Variants in SLC9A9 observed in about 807,000 individuals in gnomAD.
SLC9A9 encodes the protein sodium/hydrogen exchanger 9.
In SLC9A9, 62 loss-of-function variants were observed where a neutral mutation model predicts 77.8. The ratio of observed to expected loss-of-function variants is 0.80; its 90% confidence interval spans 0.65 to 0.98. The LOEUF (loss-of-function observed/expected upper bound fraction) is 0.98. SLC9A9 is among the 50% of genes least tolerant of loss of function. The pLI, the probability that SLC9A9 is intolerant of heterozygous loss-of-function variation, is 0.00. For missense variants in SLC9A9, 775 were observed against 774.9 expected, an observed-to-expected ratio of 1.00 and a Z score of 0.00; for synonymous variants, 320 against 283.5, an observed-to-expected ratio of 1.13 and a Z score of -1.29.
intron 4 of SLC9A9, among the ~76,000 whole-genome samples, chr3:143,768,981 G>A (rs1363226094): frequency 6.6e-6 from 1 of 152,094 alleles, no homozygotes; most frequent in African/African-American, 2.4e-5. Context: ...TTCTACTCAG[G>A]TTGCCCCATT....
intron 4 of SLC9A9, among the ~76,000 whole-genome samples, chr3:143,734,571 TA>T (rs1281923629): frequency 6.6e-6 from 1 of 151,214 alleles, no homozygotes; most frequent in African/African-American, 2.4e-5. Flanking sequence ...CTGTCTCTAC[TA>T]AAATACAAAA....
chr3:143,758,989 C>G (rs1404947414), intron 4 of SLC9A9, among the ~76,000 whole-genome samples: 1 of 152,074 alleles, frequency 6.6e-6, no homozygotes, highest in East Asian at 1.9e-4. Context: ...ATGTTCTTGG[C>G]ACTGTGCTGT....
chr3:143,655,628 T>C, intron 5 of SLC9A9: 2 of 984,156 alleles, frequency 2.0e-6, no homozygotes, highest in South Asian at 4.7e-5. Context: ...AAATTGATAA[T>C]AAAAGATACA....
intron 8 of SLC9A9, 140 bp from the exon 9 acceptor site, chr3:143,552,590 G>A (rs1192802339): frequency 1.5e-6 from 1 of 688,962 alleles, no homozygotes; most frequent in Non-Finnish European, 2.6e-6. Flanking sequence ...ATGCAACCTA[G>A]GTAAATCTTG....
chr3:143,791,537 C>T (rs778321925), intron 4 of SLC9A9, among the ~76,000 whole-genome samples: 5 of 152,190 alleles, frequency 3.3e-5, no homozygotes, highest in Non-Finnish European at 7.3e-5. Flanking sequence ...TCAGCTGACT[C>T]TCTAGCATTT....
intron 9 of SLC9A9, among the ~76,000 whole-genome samples, chr3:143,533,111 T>C (rs1220978685): frequency 6.6e-6 from 1 of 152,246 alleles, no homozygotes; most frequent in African/African-American, 2.4e-5. Flanking sequence ...GCAACTCATT[T>C]ATTCACCCAC....
At chr3:143,533,515 C>G (rs868816427) in intron 9 of SLC9A9, among the ~76,000 whole-genome samples, 1 of 152,060 alleles carries the variant, frequency 6.6e-6, no homozygotes, top group Non-Finnish European at 1.5e-5. Context: ...TGGAAAAATG[C>G]AATAAGTGAG....
At chr3:143,711,525 G>T (rs906115155) in intron 4 of SLC9A9, among the ~76,000 whole-genome samples, 2 of 151,426 alleles carry the variant, frequency 1.3e-5, no homozygotes, top group South Asian at 4.2e-4. Context: ...TTAGCCTCCT[G>T]AGTAGCTGGG....
At chr3:143,463,776 G>A (rs1031668414) in intron 12 of SLC9A9, among the ~76,000 whole-genome samples, 5 of 152,092 alleles carry the variant, frequency 3.3e-5, no homozygotes, top group African/African-American at 1.2e-4. Flanking sequence ...AAATACAACA[G>A]CTCCAGGACA....
intron 11 of SLC9A9, among the ~76,000 whole-genome samples, chr3:143,490,745 T>G (rs988020387): frequency 6.6e-6 from 1 of 152,170 alleles, no homozygotes; most frequent in Non-Finnish European, 1.5e-5. Context: ...GCTGTGGCTA[T>G]GAGTCTCAAA....
intron 12 of SLC9A9, among the ~76,000 whole-genome samples, chr3:143,430,625 G>C (rs1234156530): frequency 3.9e-5 from 6 of 152,182 alleles, no homozygotes; most frequent in Admixed American, 3.3e-4. Flanking sequence ...ATCTGAGAGG[G>C]GGAGGCCAAT....
At chr3:143,426,790 A>G (rs890449531) in intron 12 of SLC9A9, among the ~76,000 whole-genome samples, 1 of 152,218 alleles carries the variant, frequency 6.6e-6, no homozygotes, top group Non-Finnish European at 1.5e-5. Flanking sequence ...TTTGAGTACT[A>G]TACTTGCTGT....
intron 11 of SLC9A9, among the ~76,000 whole-genome samples, chr3:143,473,352 T>C (rs1248534500): frequency 6.6e-6 from 1 of 152,200 alleles, no homozygotes; most frequent in Non-Finnish European, 1.5e-5. Context: ...AGCCCAGAGA[T>C]ACCTCTCACT....
chr3:143,646,156 A>G (rs2038703873), intron 6 of SLC9A9, among the ~76,000 whole-genome samples: 1 of 151,990 alleles, frequency 6.6e-6, no homozygotes. Context: ...AGTTTGCTCT[A>G]TTTTGGTAAA....
At chr3:143,604,052 T>C (rs577824289) in intron 6 of SLC9A9, among the ~76,000 whole-genome samples, 1 of 152,346 alleles carries the variant, frequency 6.6e-6, no homozygotes, top group African/African-American at 2.4e-5. Context: ...TTTCTTTAAC[T>C]GACCTGCAGA....
At chr3:143,653,237 G>A (rs2038830383) in intron 5 of SLC9A9, among the ~76,000 whole-genome samples, 1 of 152,140 alleles carries the variant, frequency 6.6e-6, no homozygotes, top group South Asian at 2.1e-4. Flanking sequence ...GCTACTATAT[G>A]CCATGTTCTT....
At chr3:143,465,034 C>T (rs1162897122) in intron 12 of SLC9A9, among the ~76,000 whole-genome samples, 1 of 152,318 alleles carries the variant, frequency 6.6e-6, no homozygotes, top group Admixed American at 6.5e-5. Flanking sequence ...CCTGTCAGCT[C>T]AATTCCCTAA....
chr3:143,644,703 A>G (rs1338639852), intron 6 of SLC9A9, among the ~76,000 whole-genome samples: 1 of 152,196 alleles, frequency 6.6e-6, no homozygotes, highest in Non-Finnish European at 1.5e-5. Context: ...GTGTCTGAAA[A>G]ATGAAGTCAG....
rs1014599781 is a variant in SLC9A9 at position 143,386,096 on chromosome 3, C to T, written c.1470-3982G>A. On this transcript the variant is annotated intron_variant, in intron 12 of 15. Coordinates refer to ENST00000316549, the MANE Select transcript of SLC9A9 (RefSeq NM_173653.4). ...GATCACCACCTTGTCCCATCCACCA[C>T]GATGCCCTTCCTAGGTCTCAGATCT... 6.6e-5 allele frequency among the ~76,000 whole-genome samples: 10 copies of T among 152,164 alleles called. 1 individual carries two copies. Among genetic ancestry groups the T allele is most frequent in the Middle Eastern group, 3.2e-3 (1 of 316 alleles).
Sources: allele counts gnomAD v4.1 joint callset (sites outside exome capture counted in the v4.1 genomes callset), GRCh38; gene constraint gnomAD v4.1.1; transcripts MANE v1.5; gene names NCBI Gene and HGNC (gene_info 2026-07-23, HGNC 2026-07-21).